The following ERG variants were observed in gnomAD, a reference collection of about 807,000 sequenced individuals.
The protein encoded by ERG is transcriptional regulator ERG.
ERG carries 9 observed loss-of-function variants against 55.3 expected under a neutral mutation model. The observed-to-expected ratio is 0.16, with a 90% confidence interval of 0.10 to 0.28. The LOEUF (loss-of-function observed/expected upper bound fraction) is 0.28. Ranked by LOEUF, ERG falls within the 10% of genes least tolerant of loss-of-function variation. The probability of loss-of-function intolerance (pLI) is 1.00; values close to 1 mark genes in which losing one functional copy is unlikely to be tolerated. For synonymous variants in ERG, 223 were observed against 237.3 expected (o/e 0.94, Z 0.55); for missense variants, 434 against 631.6 (o/e 0.69, Z 3.35).
chr21:38,400,166 T>C, intron 6 of ERG: 1 of 416,214 alleles, frequency 2.4e-6, no homozygotes. Context: ...GTTGCATGCT[T>C]CTGCTCTGCA....
chr21:38,426,754 A>C (rs1210364518), intron 2 of ERG, among the ~76,000 whole-genome samples: 2 of 149,524 alleles, frequency 1.3e-5, no homozygotes, highest in East Asian at 4.0e-4. Flanking sequence ...AACATGGAAA[A>C]ACCCTGTCTC....
At chr21:38,445,138 CT>C (rs77891753) in intron 2 of ERG, among the ~76,000 whole-genome samples, 12,949 of 136,520 alleles carry the variant, frequency 0.095, 601 homozygotes, top group African/African-American at 0.17. Flanking sequence ...CTTTCTTCTT[CT>C]TTTTTTTTTT....
chr21:38,452,330 CAT>C (rs898916189), intron 1 of ERG, among the ~76,000 whole-genome samples: 2 of 151,994 alleles, frequency 1.3e-5, no homozygotes, highest in South Asian at 4.2e-4. Context: ...TGCGCAAATA[CAT>C]ATATACATAC....
chr21:38,570,493 G>C (rs1449303709), intron 2 of ERG, among the ~76,000 whole-genome samples: 1 of 152,180 alleles, frequency 6.6e-6, no homozygotes, highest in Non-Finnish European at 1.5e-5. Context: ...TCAGAGACAG[G>C]ATGATGTTTT....
chr21:38,616,932 T>C (rs1003830757), intron 1 of ERG, among the ~76,000 whole-genome samples: 1 of 152,170 alleles, frequency 6.6e-6, no homozygotes, highest in African/African-American at 2.4e-5. Flanking sequence ...CCCTGGAGAT[T>C]CCCAAAGTAA....
At chr21:38,550,196 C>T (rs1376358858) in intron 2 of ERG, among the ~76,000 whole-genome samples, 4 of 152,184 alleles carry the variant, frequency 2.6e-5, no homozygotes, top group Non-Finnish European at 5.9e-5. Flanking sequence ...GAAGGGCCAG[C>T]CCTCCTGGGA....
chr21:38,651,612 C>T (rs963026007), intron 1 of ERG, among the ~76,000 whole-genome samples: 1 of 152,304 alleles, frequency 6.6e-6, no homozygotes, highest in Non-Finnish European at 1.5e-5. Context: ...ATTAATTCCA[C>T]CTGTCCCTGT....
intron 3 of ERG, among the ~76,000 whole-genome samples, chr21:38,412,910 T>A (rs1184505998): frequency 6.6e-6 from 1 of 152,174 alleles, no homozygotes; most frequent in Non-Finnish European, 1.5e-5. Flanking sequence ...TGTCTCTCCA[T>A]GAAGATTTCG....
chr21:38,433,568 C>A (rs190935946), intron 2 of ERG, among the ~76,000 whole-genome samples: 1 of 152,116 alleles, frequency 6.6e-6, no homozygotes, highest in Admixed American at 6.5e-5. Flanking sequence ...CTACTTACAG[C>A]GAGGCAATTT....
At chr21:38,458,165 C>T (rs1264009626) in intron 1 of ERG, among the ~76,000 whole-genome samples, 2 of 152,150 alleles carry the variant, frequency 1.3e-5, no homozygotes. Context: ...GTGGCTCGTG[C>T]CTGTAATCCC....
At chr21:38,482,377 G>A (rs946432432) in intron 1 of ERG, among the ~76,000 whole-genome samples, 4 of 152,180 alleles carry the variant, frequency 2.6e-5, no homozygotes, top group Non-Finnish European at 4.4e-5. Flanking sequence ...AAGTGTTGGC[G>A]AGAATGTGAG....
intron 1 of ERG, among the ~76,000 whole-genome samples, chr21:38,458,995 A>G (rs561956507): frequency 4.1e-4 from 62 of 152,188 alleles, no homozygotes; most frequent in African/African-American, 1.2e-3. Context: ...TTTGGCTTCC[A>G]TATTCCTGCT....
chr21:38,482,321 C>T (rs778368991), intron 1 of ERG, among the ~76,000 whole-genome samples: 5 of 152,218 alleles, frequency 3.3e-5, no homozygotes, highest in Admixed American at 1.3e-4. Context: ...TGAGGTATCA[C>T]CTCACGCCTG....
chr21:38,431,432 C>G (rs1032025609), intron 2 of ERG, among the ~76,000 whole-genome samples: 2 of 152,156 alleles, frequency 1.3e-5, no homozygotes, highest in South Asian at 4.1e-4. Context: ...AGCCATTATT[C>G]CCCTACCTGT....
At chr21:38,395,200 G>A (rs1053952723) in intron 6 of ERG, among the ~76,000 whole-genome samples, 1 of 152,120 alleles carries the variant, frequency 6.6e-6, no homozygotes, top group Non-Finnish European at 1.5e-5. Context: ...ATCGGCTACC[G>A]ATCACATGCT....
chr21:38,451,488 G>T (rs1031853913), intron 1 of ERG, among the ~76,000 whole-genome samples: 1 of 152,200 alleles, frequency 6.6e-6, no homozygotes, highest in African/African-American at 2.4e-5. Flanking sequence ...ACAGGTAGGA[G>T]TACCATTTAT....
intron 1 of ERG, among the ~76,000 whole-genome samples, chr21:38,659,475 T>C (rs1183330336): frequency 1.3e-5 from 2 of 152,254 alleles, no homozygotes; most frequent in African/African-American, 2.4e-5. Flanking sequence ...TTTGGGACTG[T>C]GACAGTTCTC....
At chr21:38,608,818 TC>T (rs1437173861) in intron 1 of ERG, among the ~76,000 whole-genome samples, 1 of 152,018 alleles carries the variant, frequency 6.6e-6, no homozygotes, top group African/African-American at 2.4e-5. Flanking sequence ...CCACAGCCCA[TC>T]CCCCATGTCT....
intron 1 of ERG, among the ~76,000 whole-genome samples, chr21:38,645,277 A>G (rs2060449015): frequency 6.6e-6 from 1 of 152,234 alleles, no homozygotes; most frequent in Non-Finnish European, 1.5e-5. Context: ...TTACCCAGAA[A>G]AGGCAAGAAA....
Sources: gnomAD v4.1 joint callset for allele counts (sites outside exome capture counted in the v4.1 genomes callset) on GRCh38, gnomAD v4.1.1 for gene constraint, MANE v1.5 for transcripts, NCBI Gene and HGNC (gene_info 2026-07-23, HGNC 2026-07-21) for gene names.